The following ATRNL1 variants were observed in gnomAD, a reference collection of about 807,000 sequenced individuals.
ATRNL1 encodes the protein attractin-like protein 1.
In ATRNL1, 95 loss-of-function variants were observed where a neutral mutation model predicts 182.7. The ratio of observed to expected loss-of-function variants is 0.52; its 90% CI spans 0.44 to 0.62. ATRNL1 has a LOEUF of 0.62. Ranked by LOEUF, ATRNL1 falls within the 20% of genes least tolerant of loss-of-function variation. The pLI is 0.00. For missense variants in ATRNL1, 1,471 were observed against 1,679.5 expected, an observed-to-expected ratio of 0.88 and a Z score of 2.17; for synonymous variants, 576 against 568.3, an observed-to-expected ratio of 1.01 and a Z score of -0.19.
chr10:115,598,293 A>G (rs558121177), intron 26 of ATRNL1, among the ~76,000 whole-genome samples: 2 of 151,406 alleles, frequency 1.3e-5, no homozygotes, highest in Non-Finnish European at 2.9e-5. Flanking sequence ...ATAAATTGAG[A>G]AATTTACTAC....
At chr10:115,156,593 T>C (rs1246208833) in intron 5 of ATRNL1, among the ~76,000 whole-genome samples, 2 of 152,100 alleles carry the variant, frequency 1.3e-5, no homozygotes, top group African/African-American at 2.4e-5. Flanking sequence ...CACTAATGCT[T>C]AAAGTTACAG....
intron 13 of ATRNL1, among the ~76,000 whole-genome samples, chr10:115,280,630 A>C (rs541550105): frequency 6.6e-6 from 1 of 152,314 alleles, no homozygotes; most frequent in African/African-American, 2.4e-5. Flanking sequence ...GTTTTGCTGC[A>C]GAGAAGAACT....
At chr10:115,103,476 C>T (rs988949682) in intron 1 of ATRNL1, among the ~76,000 whole-genome samples, 5 of 151,960 alleles carry the variant, frequency 3.3e-5, no homozygotes, top group Admixed American at 2.6e-4. Flanking sequence ...GATATTTCCT[C>T]GCCCATATCT....
intron 28 of ATRNL1, among the ~76,000 whole-genome samples, chr10:115,923,177 A>G (rs554032279): frequency 6.6e-6 from 1 of 152,318 alleles, no homozygotes; most frequent in South Asian, 2.1e-4. Context: ...AAATTATTGT[A>G]TCAACATCTT....
intron 27 of ATRNL1, among the ~76,000 whole-genome samples, chr10:115,768,840 A>T (rs1948920118): frequency 6.6e-6 from 1 of 152,112 alleles, no homozygotes; most frequent in South Asian, 2.1e-4. Context: ...GGGATCAGCA[A>T]GAAAACATAA....
intron 27 of ATRNL1, among the ~76,000 whole-genome samples, chr10:115,781,392 C>A (rs1949262092): frequency 6.6e-6 from 1 of 152,054 alleles, no homozygotes; most frequent in African/African-American, 2.4e-5. Flanking sequence ...CCAAAAAAAA[C>A]ATGTACAAGA....
chr10:115,626,605 T>C (rs1858117056), intron 26 of ATRNL1, among the ~76,000 whole-genome samples: 1 of 152,204 alleles, frequency 6.6e-6, no homozygotes, highest in African/African-American at 2.4e-5. Context: ...TTTTTGTGAC[T>C]CTTAATCTAC....
At chr10:115,614,884 A>T (rs1857354406) in intron 26 of ATRNL1, among the ~76,000 whole-genome samples, 3 of 151,678 alleles carry the variant, frequency 2.0e-5, no homozygotes, top group Admixed American at 2.0e-4. Context: ...TCTTTTTCTC[A>T]TCCCTTCATT....
chr10:115,944,466 TC>T (rs1953825526), intron 28 of ATRNL1, among the ~76,000 whole-genome samples, 191 bp from the exon 29 acceptor site: 1 of 152,120 alleles, frequency 6.6e-6, no homozygotes, highest in South Asian at 2.1e-4. Flanking sequence ...TTCTTCTTCT[TC>T]CTTGGTGAAG....
intron 18 of ATRNL1, among the ~76,000 whole-genome samples, chr10:115,333,736 C>T (rs1855347123): frequency 6.6e-6 from 1 of 152,106 alleles, no homozygotes; most frequent in Admixed American, 6.6e-5. Flanking sequence ...ATCTGCCCAC[C>T]TCGGCCTCCC....
At chr10:115,865,476 TC>T (rs1951419011) in intron 28 of ATRNL1, among the ~76,000 whole-genome samples, 1 of 152,212 alleles carries the variant, frequency 6.6e-6, no homozygotes, top group African/African-American at 2.4e-5. Context: ...CATATTTATT[TC>T]ATTATATGGT....
chr10:115,902,220 A>G (rs1214852424), intron 28 of ATRNL1, among the ~76,000 whole-genome samples: 1 of 152,108 alleles, frequency 6.6e-6, no homozygotes, highest in Non-Finnish European at 1.5e-5. Context: ...ATTCTGCCCC[A>G]TGCTCTGCAG....
At chr10:115,637,268 G>A (rs959447197) in intron 26 of ATRNL1, among the ~76,000 whole-genome samples, 1 of 152,162 alleles carries the variant, frequency 6.6e-6, no homozygotes, top group Non-Finnish European at 1.5e-5. Flanking sequence ...AGGCATGCTT[G>A]TCTAGGAGAT....
chr10:115,604,130 C>A (rs1555016869), intron 26 of ATRNL1, among the ~76,000 whole-genome samples: 1 of 152,006 alleles, frequency 6.6e-6, no homozygotes, highest in African/African-American at 2.4e-5. Context: ...GCCTAATAAA[C>A]TTTTATTTGA....
chr10:115,559,290 T>C (rs1341816543), intron 26 of ATRNL1, among the ~76,000 whole-genome samples: 2 of 152,192 alleles, frequency 1.3e-5, no homozygotes, highest in Admixed American at 1.3e-4. Flanking sequence ...TTTTTAAATT[T>C]CCAATTAGAT....
At chr10:115,120,406 A>C in intron 2 of ATRNL1, 138 bp downstream of exon 2, 1 of 444,370 alleles carries the variant, frequency 2.3e-6, no homozygotes, top group Admixed American at 4.4e-5. Flanking sequence ...CAACTTCTAG[A>C]CATCACATTT....
At chr10:115,460,913 A>G (rs551952694) in intron 21 of ATRNL1, among the ~76,000 whole-genome samples, 74 of 152,268 alleles carry the variant, frequency 4.9e-4, no homozygotes, top group African/African-American at 1.7e-3. Flanking sequence ...CAGTCAGATG[A>G]AAATTGGAAC....
chr10:115,275,406 T>A (rs1194456050), intron 13 of ATRNL1, among the ~76,000 whole-genome samples: 2 of 152,194 alleles, frequency 1.3e-5, no homozygotes, highest in Non-Finnish European at 2.9e-5. Flanking sequence ...CTTTCCCCAG[T>A]GCATAGCTAG....
At chr10:115,267,588 G>A (rs569272133) in intron 12 of ATRNL1, among the ~76,000 whole-genome samples, 3 of 151,672 alleles carry the variant, frequency 2.0e-5, no homozygotes, top group East Asian at 3.9e-4. Flanking sequence ...ACATTTTTGC[G>A]GTTACAATTA....
Sources: gnomAD v4.1 joint callset for allele counts (sites outside exome capture counted in the v4.1 genomes callset) on GRCh38, gnomAD v4.1.1 for gene constraint, MANE v1.5 for transcripts, NCBI Gene and HGNC (gene_info 2026-07-23, HGNC 2026-07-21) for gene names.